BCAS3: variants seen among roughly 807,000 people sequenced by gnomAD.
BCAS3 encodes BCAS4/BCAS3 fusion.
In BCAS3, 53 loss-of-function variants were observed where a neutral mutation model predicts 116.1. That is an observed-to-expected ratio of 0.46 (90% confidence interval 0.37 to 0.57). The LOEUF is 0.57. BCAS3 is among the 20% of genes least tolerant of loss of function. The pLI is 0.00. For synonymous variants in BCAS3, 391 were observed against 408.2 expected (o/e 0.96, Z 0.51); for missense variants, 917 against 1,165.4 (o/e 0.79, Z 3.10).
intron 5 of BCAS3, among the ~76,000 whole-genome samples, chr17:60,733,046 C>G (rs568395631): frequency 4.9e-4 from 74 of 152,166 alleles, no homozygotes; most frequent in Non-Finnish European, 9.4e-4. Context: ...TTTATTCATT[C>G]AACAAGCATC....
Position 61,299,270 on chromosome 17 carries a change from T to C in BCAS3, c.2426-69057T>C, listed in dbSNP as rs552831825. 2.6e-5 allele frequency among the ~76,000 whole-genome samples: 4 copies of C among 151,644 alleles called. 1 individual carries two copies. Among genetic ancestry groups the C allele is most frequent in the African/African-American group, 7.2e-5 (3 of 41,448 alleles). On this transcript the variant is annotated intron_variant, in intron 22 of 23. Transcript: ENST00000407086. ...CATCCTGGTTAACACGGTGAAACTC[T>C]GTCTCTACTAAAAATACAAAAAATT...
chr17:60,752,733 C>T (rs549729749), intron 6 of BCAS3, among the ~76,000 whole-genome samples: 1 of 63,496 alleles, frequency 1.6e-5, no homozygotes, highest in Non-Finnish European at 6.3e-5. Context: ...AGAGAGTCTA[C>T]CAACATTTAT....
chr17:61,150,410 T>A (rs1452930518), intron 22 of BCAS3, among the ~76,000 whole-genome samples: 2 of 152,194 alleles, frequency 1.3e-5, no homozygotes, highest in Admixed American at 1.3e-4. Flanking sequence ...GTCATTTGAA[T>A]AGGTAAGCTT....
rs1310502782 is a variant in BCAS3 at position 61,235,695 on chromosome 17, T to G, written c.2426-132632T>G. On this transcript the variant is annotated intron_variant, in intron 22 of 23. Transcript: ENST00000407086. The surrounding 1 kb of genome is among the most constrained non-coding windows in gnomAD (Gnocchi z 5.0). ...TGAACTTGGAAAGAAGACTTTTGAA[T>G]TGTTTAAAAAAAAAAAAAAGGAGAA... Among the ~76,000 whole-genome samples the G allele has an allele frequency of 2.1e-4, 10 of 47,246 alleles. No individual in the cohort carries two copies. Among genetic ancestry groups the G allele is most frequent in the Admixed American group, 6.8e-4 (2 of 2,932 alleles). 31.0% of individuals were successfully genotyped at this position (47,246 alleles called of 152,430 possible). A position where few individuals can be genotyped will look rare whatever the true frequency, so the allele number is the denominator to read the frequency against.
At chr17:61,375,337 A>G (rs1053570758) in intron 23 of BCAS3, among the ~76,000 whole-genome samples, 2 of 151,958 alleles carry the variant, frequency 1.3e-5, no homozygotes, top group Non-Finnish European at 2.9e-5. Context: ...TCAATCAGAT[A>G]TGTACCAAAT....
chr17:61,158,582 A>G (rs982927594), intron 22 of BCAS3, among the ~76,000 whole-genome samples: 3 of 152,206 alleles, frequency 2.0e-5, no homozygotes, highest in South Asian at 4.1e-4. Flanking sequence ...ATATCATGCT[A>G]TCTTCATCCA....
rs539932008 is a variant in BCAS3 at position 61,382,065 on chromosome 17, C to A, written c.2594-9912C>A. On this transcript the variant is annotated intron_variant, in intron 23 of 23. Transcript: ENST00000407086. The stretch of plus-strand genomic sequence containing the variant: ...GCCTGGGGCCGGGCGCGGTGGCTCA[C>A]GCTTATAATCCCAGGACTTTGAGAG... 2.3e-3 allele frequency among the ~76,000 whole-genome samples: 348 copies of A among 151,942 alleles called. 2 individuals carry two copies. Among genetic ancestry groups the A allele is most frequent in the Non-Finnish European group, 3.7e-3 (250 of 67,970 alleles).
chr17:61,176,708 C>T (rs1437577180), intron 22 of BCAS3, among the ~76,000 whole-genome samples: 1 of 151,968 alleles, frequency 6.6e-6, no homozygotes, highest in East Asian at 1.9e-4. Context: ...CAGTCATGTG[C>T]CAACATGTCC....
rs568535678 is a variant in BCAS3 at position 61,331,490 on chromosome 17, T to C, written c.2426-36837T>C. ...CAAGCCCAGAACTAGTTCAAAACTT[T>C]AGCCTCAAGGAAAAGGTCCAGGCCA... On this transcript the variant is annotated intron_variant, in intron 22 of 23. Transcript: ENST00000407086. Among the ~76,000 whole-genome samples, 7 of 152,166 alleles carry C rather than the reference T, an allele frequency of 4.6e-5. No homozygotes were observed. The East Asian group carries it at 1.2e-3, about 25-fold the overall frequency.
At chr17:60,687,006 G>A (rs1445882756) in intron 3 of BCAS3, among the ~76,000 whole-genome samples, 1 of 152,014 alleles carries the variant, frequency 6.6e-6, no homozygotes, top group East Asian at 1.9e-4. Flanking sequence ...AAAAATTATG[G>A]CAATAGTACA....
intron 6 of BCAS3, among the ~76,000 whole-genome samples, chr17:60,803,929 G>A (rs2048042063): frequency 6.7e-6 from 1 of 149,510 alleles, no homozygotes; most frequent in Non-Finnish European, 1.5e-5. Flanking sequence ...AGCCTCTTGA[G>A]TAGCTGGGAT....
intron 14 of BCAS3, among the ~76,000 whole-genome samples, chr17:60,989,195 TAAGTA>T (rs1028413555): frequency 3.9e-5 from 6 of 152,150 alleles, no homozygotes; most frequent in African/African-American, 1.4e-4. Context: ...GTAGAAAACT[TAAGTA>T]TCTGTGAGCT....
rs1439859685 is a variant in BCAS3, at chr17:61,188,320, A to G, written c.2425+103756A>G. Among the ~76,000 whole-genome samples the G allele has an allele frequency of 6.6e-6, 1 of 152,200 alleles. No homozygotes were observed. ...TCTTCAGCCAAAAGTATTACCTATT[A>G]TGATGTAGTTTCATCAGTCATCTTT... On this transcript the variant is annotated intron_variant, in intron 22 of 23. Transcript: ENST00000407086. The surrounding 1 kb of genome is among the most constrained non-coding windows in gnomAD (Gnocchi z 4.0).
chr17:60,837,469 T>G (rs931142398), intron 7 of BCAS3, among the ~76,000 whole-genome samples: 6 of 152,114 alleles, frequency 3.9e-5, no homozygotes, highest in Non-Finnish European at 7.4e-5. Flanking sequence ...GGGGCATCAC[T>G]ACAGATCTTA....
intron 4 of BCAS3, among the ~76,000 whole-genome samples, chr17:60,704,085 G>A (rs1424131085): frequency 6.6e-6 from 1 of 152,124 alleles, no homozygotes; most frequent in Non-Finnish European, 1.5e-5. Flanking sequence ...ATTGTAGAAA[G>A]AAGTTTGGTT....
intron 23 of BCAS3, among the ~76,000 whole-genome samples, chr17:61,373,749 T>G (rs1023198356): frequency 9.1e-5 from 13 of 143,272 alleles, no homozygotes; most frequent in African/African-American, 2.7e-4. Flanking sequence ...AAAGTATTCT[T>G]GATGCATCTC....
intron 19 of BCAS3, chr17:61,070,366 A>AAAATATATATATATAT (rs2071247106): frequency 3.2e-6 from 1 of 309,334 alleles, no homozygotes; most frequent in African/African-American, 2.9e-5. Flanking sequence ...CCTAATTCTG[A>AAAATATATATATATAT]ATATATATAT....
At chr17:60,929,095 A>G (rs2059506366) in intron 13 of BCAS3, among the ~76,000 whole-genome samples, 1 of 152,206 alleles carries the variant, frequency 6.6e-6, no homozygotes, top group Non-Finnish European at 1.5e-5. Context: ...CTAGTAAATC[A>G]TAAGTTTACT....
Position 61,302,281 on chromosome 17 carries a change from C to T in BCAS3, c.2426-66046C>T, listed in dbSNP as rs927210328. 6.6e-6 allele frequency among the ~76,000 whole-genome samples: 1 copy of T among 152,136 alleles called. No individual in the cohort carries two copies. The highest frequency in any genetic ancestry group is 1.5e-5 in the Non-Finnish European group (1 of 68,022). On this transcript the variant is annotated intron_variant, in intron 22 of 23. Transcript: ENST00000407086. The surrounding 1 kb of genome is among the most constrained non-coding windows in gnomAD (Gnocchi z 4.4). ...AATGTACCACGGAATCTGACTTTGCCATTTGTGTGGCTATGATGTCTTATT... is the reference window on the plus strand; with the variant it reads ...AATGTACCACGGAATCTGACTTTGCTATTTGTGTGGCTATGATGTCTTATT...
Sources: allele counts gnomAD v4.1 joint callset (sites outside exome capture counted in the v4.1 genomes callset), GRCh38; gene constraint gnomAD v4.1.1; non-coding constraint Gnocchi (gnomAD v3.1); transcripts MANE v1.5; gene names NCBI Gene and HGNC (gene_info 2026-07-23, HGNC 2026-07-21).